DENND5A: variants seen among roughly 807,000 people sequenced by gnomAD.
DENND5A encodes the protein DENN domain containing 5A.
DENND5A carries 64 observed loss-of-function variants against 140.3 expected under a neutral mutation model. The observed-to-expected ratio is 0.46, with a 90% CI of 0.37 to 0.56. The LOEUF (loss-of-function observed/expected upper bound fraction) is 0.56, where lower values mean the gene tolerates loss of function less well. Among genes scored for constraint, DENND5A ranks in the 20% least tolerant of loss-of-function variants. The pLI is 0.00. For synonymous variants in DENND5A, 605 were observed against 607.7 expected (o/e 1.00, Z 0.07); for missense variants, 1,292 against 1,593.8 (o/e 0.81, Z 3.22).
intron 3 of DENND5A, 78 bp downstream of exon 3, chr11:9,206,595 C>A: frequency 9.7e-7 from 1 of 1,034,276 alleles, no homozygotes. Flanking sequence ...GGCACCACTG[C>A]TACCACAGCC....
intron 8 of DENND5A, chr11:9,171,946 A>G (rs1221391273): frequency 6.6e-6 from 1 of 152,340 alleles, no homozygotes; most frequent in East Asian, 1.9e-4. Context: ...AATATCTGAG[A>G]TGAAAAATAC....
chr11:9,256,451 ACT>A (rs1851950622), intron 1 of DENND5A, among the ~76,000 whole-genome samples: 1 of 151,618 alleles, frequency 6.6e-6, no homozygotes. Flanking sequence ...CAAGAATGAA[ACT>A]CTGTCTCAGA....
chr11:9,173,890 G>A (rs943009082), intron 8 of DENND5A, among the ~76,000 whole-genome samples: 6 of 151,998 alleles, frequency 3.9e-5, no homozygotes, highest in Non-Finnish European at 7.4e-5. Context: ...GGATCACGAG[G>A]TCAGGAGATC....
intron 1 of DENND5A, among the ~76,000 whole-genome samples, chr11:9,228,967 G>T (rs555248836): frequency 6.6e-6 from 1 of 152,252 alleles, no homozygotes; most frequent in South Asian, 2.1e-4. Context: ...GCAAACTTAG[G>T]AAGGGGTCAT....
chr11:9,256,056 C>G (rs984956021), intron 1 of DENND5A, among the ~76,000 whole-genome samples: 2 of 148,080 alleles, frequency 1.4e-5, no homozygotes, highest in African/African-American at 2.5e-5. Flanking sequence ...AACACAGTTA[C>G]TATATGACCC....
chr11:9,152,260 C>A, intron 13 of DENND5A, 98 bp downstream of exon 13: 1 of 922,596 alleles, frequency 1.1e-6, no homozygotes, highest in South Asian at 1.3e-5. Flanking sequence ...AGAGCAAAAG[C>A]TTCTTCGACC....
chr11:9,208,225 C>T (rs550560082), intron 1 of DENND5A, among the ~76,000 whole-genome samples: 1 of 152,160 alleles, frequency 6.6e-6, no homozygotes, highest in Non-Finnish European at 1.5e-5. Context: ...GGAAAAAGAA[C>T]ATACACATAC....
At position 9,141,930 on chromosome 11, in the gene DENND5A, T is replaced by C; in HGVS notation, c.3680+10A>G. ...ACCGCTGTGCACTCTGGGCCCTGGG[T>C]CTGCAGTACCTGGCTCCCAAGCACA... On this transcript the variant is annotated intron_variant, in intron 22 of 22. Coordinates refer to ENST00000328194, the MANE Select transcript of DENND5A (RefSeq NM_015213.4). 6.4e-7 allele frequency: 1 copy of C among 1,570,468 alleles called. No individual in the cohort carries two copies. The highest frequency in any genetic ancestry group is 8.6e-7 in the Non-Finnish European group (1 of 1,156,402).
intron 1 of DENND5A, among the ~76,000 whole-genome samples, chr11:9,255,774 A>T (rs769199949): frequency 5.3e-5 from 8 of 152,006 alleles, no homozygotes; most frequent in Non-Finnish European, 8.8e-5. Flanking sequence ...CCAAGGCAGG[A>T]TAATTGCTTG....
At chr11:9,219,715 TG>T (rs2136233308) in intron 1 of DENND5A, among the ~76,000 whole-genome samples, 1 of 152,326 alleles carries the variant, frequency 6.6e-6, no homozygotes, top group East Asian at 1.9e-4. Context: ...TCCAGATTGA[TG>T]GGGCTCAGGC....
intron 1 of DENND5A, among the ~76,000 whole-genome samples, chr11:9,238,744 AT>A (rs1590321479): frequency 1.3e-5 from 2 of 151,376 alleles, no homozygotes. Context: ...AAGGAACTAT[AT>A]AAAGGCATCA....
intron 1 of DENND5A, among the ~76,000 whole-genome samples, chr11:9,244,618 T>C (rs1490429378): frequency 6.6e-6 from 1 of 151,948 alleles, no homozygotes; most frequent in Non-Finnish European, 1.5e-5. Context: ...ATCCGCCCGC[T>C]TCGGCCTCCC....
intron 2 of DENND5A, among the ~76,000 whole-genome samples, 161 bp from the exon 3 acceptor site, chr11:9,206,943 T>C (rs1849710540): frequency 1.3e-5 from 2 of 152,156 alleles, no homozygotes; most frequent in Non-Finnish European, 2.9e-5. Flanking sequence ...ATTAAAGTTA[T>C]TAGGTCAGTA....
At position 9,265,001 on chromosome 11, in the gene DENND5A, T is replaced by A. The variant is rs1383945649; in HGVS notation, c.69A>T (p.Gly23=). 4 of 1,588,684 alleles carry A rather than the reference T, an allele frequency of 2.5e-6. No individual in the cohort carries two copies. Among genetic ancestry groups the A allele is most frequent in the Non-Finnish European group, 3.4e-6 (4 of 1,169,778 alleles). Residue 23 remains glycine, a synonymous_variant, in exon 1 of 23, where the codon GGA becomes GGT. Coordinates refer to ENST00000328194, the MANE Select transcript of DENND5A (RefSeq NM_015213.4). The surrounding 1 kb of genome is among the most constrained non-coding windows in gnomAD (Gnocchi z 4.7). ...SRFADYFVIC[G]LDTETGLEPD... ...GCTCCAGCCCGGTCTCCGTGTCCAG[T>A]CCGCAGATGACAAAGTAGTCGGCGA...
chr11:9,179,185 G>T, intron 6 of DENND5A, 112 bp from the exon 7 acceptor site: 1 of 886,402 alleles, frequency 1.1e-6, no homozygotes, highest in Non-Finnish European at 1.7e-6. Context: ...AATTTACTTA[G>T]CAGGAAATGA....
intron 4 of DENND5A, among the ~76,000 whole-genome samples, chr11:9,198,907 CT>C (rs1290576139): frequency 6.7e-6 from 1 of 149,288 alleles, no homozygotes; most frequent in African/African-American, 2.5e-5. Context: ...CTCATCTCTA[CT>C]AAAAATACAA....
At chr11:9,221,057 G>A (rs535328026) in intron 1 of DENND5A, among the ~76,000 whole-genome samples, 6 of 152,010 alleles carry the variant, frequency 3.9e-5, no homozygotes, top group Non-Finnish European at 8.8e-5. Flanking sequence ...GCTCCAACCT[G>A]GATGAGAGAG....
At chr11:9,166,051 G>T (rs925090840) in intron 10 of DENND5A, 84 bp from the exon 11 acceptor site, 4 of 1,248,664 alleles carry the variant, frequency 3.2e-6, no homozygotes, top group Non-Finnish European at 2.2e-6. Flanking sequence ...CCTGAAGAGG[G>T]CATTATTTTC....
At chr11:9,161,208 T>C (rs1198762284) in intron 11 of DENND5A, among the ~76,000 whole-genome samples, 3 of 152,008 alleles carry the variant, frequency 2.0e-5, no homozygotes, top group African/African-American at 7.2e-5. Context: ...ATTAGCCAGG[T>C]GTGGTGGCGG....
Sources: allele counts gnomAD v4.1 joint callset (sites outside exome capture counted in the v4.1 genomes callset), GRCh38; gene constraint gnomAD v4.1.1; non-coding constraint Gnocchi (gnomAD v3.1); transcripts MANE v1.5; gene names NCBI Gene and HGNC (gene_info 2026-07-23, HGNC 2026-07-21).